Variants in GET4 observed in about 807,000 individuals in gnomAD.
GET4 encodes guided entry of tail-anchored proteins factor 4.
Under a neutral mutation model 40.0 loss-of-function variants are expected in GET4, and 20 were observed. The observed-to-expected ratio is 0.50, with a 90% CI of 0.35 to 0.73. The LOEUF (loss-of-function observed/expected upper bound fraction) is 0.73, where lower values mean the gene tolerates loss of function less well. Among genes scored for constraint, GET4 ranks in the 30% least tolerant of loss-of-function variants. GET4 has a pLI of 0.01. For missense variants in GET4, 557 were observed against 454.0 expected (o/e 1.23, Z -2.06); for synonymous variants, 280 against 194.6 (o/e 1.44, Z -3.65).
rs199726309 is a variant in GET4, at chr7:893,895, G to C, written c.823-4G>C. 1.9e-6 allele frequency: 3 copies of C among 1,612,432 alleles called. No individual in the cohort carries two copies. Among genetic ancestry groups the C allele is most frequent in the East Asian group, 4.5e-5 (2 of 44,860 alleles). ...CCTCTGAGCCCGCTGCCTGTGCCTT[G>C]CAGTACCTCGACCGCATAGGACAGC... On this transcript the variant is annotated splice_region_variant and splice_polypyrimidine_tract_variant and intron_variant, in intron 7 of 8. Transcript: ENST00000265857.
chr7:893,291 TGGGCGC>T (rs1252902895), intron 6 of GET4, among the ~76,000 whole-genome samples: 13 of 112,760 alleles, frequency 1.2e-4, no homozygotes, highest in African/African-American at 3.9e-4. Context: ...AGGTGAGTGT[TGGGCGC>T]GGGCGCGGTG....
intron 1 of GET4, chr7:885,842 C>A: frequency 1.7e-6 from 1 of 577,128 alleles, no homozygotes; most frequent in Non-Finnish European, 3.1e-6. Flanking sequence ...ACAGATAGGC[C>A]CTTAGTGTCC....
intron 5 of GET4, among the ~76,000 whole-genome samples, chr7:891,603 C>T (rs537165791): frequency 1.3e-5 from 2 of 152,344 alleles, no homozygotes; most frequent in East Asian, 1.9e-4. Context: ...GGCTGGCCTT[C>T]GCTTCCTTTC....
chr7:888,859 A>T (rs1844249827), intron 4 of GET4, among the ~76,000 whole-genome samples: 2 of 152,238 alleles, frequency 1.3e-5, no homozygotes, highest in South Asian at 4.1e-4. Flanking sequence ...CAGGTTAGGG[A>T]GGCAGGAGCT....
At chr7:887,615 G>C in intron 4 of GET4, 96 bp downstream of exon 4, 1 of 990,358 alleles carries the variant, frequency 1.0e-6, no homozygotes, top group South Asian at 2.2e-5. Flanking sequence ...CACCAGGGCA[G>C]AGATGGGGTT....
At chr7:892,758 G>T (rs1018473702) in intron 6 of GET4, among the ~76,000 whole-genome samples, 3 of 150,920 alleles carry the variant, frequency 2.0e-5, no homozygotes. Context: ...CGGGTGTTGG[G>T]TATCCATGTG....
Position 887,454 on chromosome 7 carries a change from G to T in GET4, c.401G>T (p.Ser134Ile). ...GTGTCCAGAGCCCTGAAGTGGTCCAGTGGGGGCTCCGGGAAGCTGGGCCAC... is the reference window on the plus strand; with the variant it reads ...GTGTCCAGAGCCCTGAAGTGGTCCATTGGGGGCTCCGGGAAGCTGGGCCAC... ...TFVSRALKWS[S>I]GGSGKLGHPR... The change falls in exon 4 of 9, where the codon AGT (serine) becomes ATT (isoleucine). Residue 134 changes from serine to isoleucine, a missense_variant. Ser to Ile is a moderately radical substitution (Grantham distance 142). Coordinates refer to ENST00000265857, the MANE Select transcript of GET4 (RefSeq NM_015949.3). 3.8e-6 allele frequency: 6 copies of T among 1,595,294 alleles called. No homozygotes were observed. Among genetic ancestry groups the T allele is most frequent in the South Asian group, 1.1e-5 (1 of 89,256 alleles).
chr7:894,056 T>C, intron 8 of GET4, 85 bp downstream of exon 8: 1 of 760,524 alleles, frequency 1.3e-6, no homozygotes, highest in Middle Eastern at 3.8e-4. Flanking sequence ...TCCAGTGCGG[T>C]CCTTCACGTG....
chr7:882,581 ATGGCGCGGGTTGTGGGCGGCCG>A (rs1844107727), intron 1 of GET4: 1 of 148,274 alleles, frequency 6.7e-6, no homozygotes. Flanking sequence ...TGCTCCAGGG[ATGGCGCGGGTTGTGGGCGGCCG>A]ACCTTGCCCC....
At chr7:890,407 TG>T (rs1844293338) in intron 4 of GET4, among the ~76,000 whole-genome samples, 1 of 65,910 alleles carries the variant, frequency 1.5e-5, no homozygotes, top group Non-Finnish European at 3.1e-5. Flanking sequence ...TGTGAGCGGG[TG>T]TTAGGACGGG....
At chr7:884,283 T>G in intron 1 of GET4, 8 of 1,304,084 alleles carry the variant, frequency 6.1e-6, no homozygotes, top group Non-Finnish European at 8.1e-6. Flanking sequence ...GAGTGCCCTG[T>G]GCCAGACGGC....
intron 1 of GET4, among the ~76,000 whole-genome samples, chr7:879,546 C>T (rs187855397): frequency 2.0e-5 from 3 of 152,186 alleles, no homozygotes; most frequent in Non-Finnish European, 2.9e-5. Context: ...GGCCCCTGAT[C>T]GTGGCTTATG....
intron 1 of GET4, among the ~76,000 whole-genome samples, chr7:878,621 C>T (rs568407591): frequency 1.3e-5 from 2 of 151,216 alleles, no homozygotes; most frequent in African/African-American, 2.4e-5. Flanking sequence ...TCCTCTGTCC[C>T]AGGCTGGAGT....
At chr7:892,976 T>C (rs1336019394) in intron 6 of GET4, among the ~76,000 whole-genome samples, 1 of 151,226 alleles carries the variant, frequency 6.6e-6, no homozygotes, top group African/African-American at 2.4e-5. Flanking sequence ...GTTGGGTGTT[T>C]GCAGGTAAGT....
intron 8 of GET4, among the ~76,000 whole-genome samples, chr7:894,800 CTT>C (rs1277850133): frequency 6.6e-6 from 1 of 152,180 alleles, no homozygotes; most frequent in South Asian, 2.1e-4. Context: ...GTTCAGGAGA[CTT>C]TTGGAGCTTT....
chr7:877,418 G>T (rs1377082967), intron 1 of GET4, among the ~76,000 whole-genome samples: 1 of 88,596 alleles, frequency 1.1e-5, no homozygotes, highest in Non-Finnish European at 2.2e-5. Flanking sequence ...CTCTCTCCCC[G>T]GCCTCCCCCT....
chr7:880,605 C>T (rs1286029226), intron 1 of GET4: 2 of 152,234 alleles, frequency 1.3e-5, no homozygotes, highest in Non-Finnish European at 2.9e-5. Context: ...CACGGTGTGG[C>T]TTAGCTCGGA....
chr7:893,659 G>A, intron 6 of GET4, 81 bp from the exon 7 acceptor site: 1 of 876,002 alleles, frequency 1.1e-6, no homozygotes, highest in Admixed American at 2.0e-5. Flanking sequence ...GGTGAGTGTT[G>A]GGCGCAGGCG....
chr7:888,128 A>G (rs1844232223), intron 4 of GET4, among the ~76,000 whole-genome samples: 1 of 152,174 alleles, frequency 6.6e-6, no homozygotes, highest in Admixed American at 6.5e-5. Flanking sequence ...GTCAGGCGTC[A>G]GGAGGCCTGC....
Sources: allele counts gnomAD v4.1 joint callset (sites outside exome capture counted in the v4.1 genomes callset), GRCh38; gene constraint gnomAD v4.1.1; transcripts MANE v1.5; gene names NCBI Gene and HGNC (gene_info 2026-07-23, HGNC 2026-07-21).